Variants in LMO4 observed in about 807,000 individuals in gnomAD.
LMO4 encodes the protein LIM domain transcription factor LMO4.
In LMO4, 3 loss-of-function variants were observed where a neutral mutation model predicts 18.5. That is an observed-to-expected ratio of 0.16 (90% CI 0.07 to 0.42). The LOEUF is 0.42. Among genes scored for constraint, LMO4 ranks in the 10% least tolerant of loss-of-function variants. The probability of loss-of-function intolerance (pLI) is 0.99; values close to 1 mark genes in which losing one functional copy is unlikely to be tolerated. For missense variants in LMO4, 121 were observed against 219.9 expected (o/e 0.55, Z 2.84); for synonymous variants, 100 against 88.1 (o/e 1.14, Z -0.76).
chr1:87,330,589 T>C (rs1650109342), intron 1 of LMO4, among the ~76,000 whole-genome samples: 1 of 152,192 alleles, frequency 6.6e-6, no homozygotes, highest in South Asian at 2.1e-4. Context: ...GGAAATGTGT[T>C]TAAAATCGGC....
intron 4 of LMO4, 123 bp downstream of exon 4, chr1:87,340,325 AT>A: frequency 1.2e-6 from 1 of 831,386 alleles, no homozygotes; most frequent in African/African-American, 1.7e-5. Flanking sequence ...AGAAATGTAG[AT>A]TACTAGTTGT....
chr1:87,342,135 C>T (rs959938237), intron 4 of LMO4, among the ~76,000 whole-genome samples: 2 of 151,998 alleles, frequency 1.3e-5, no homozygotes, highest in Non-Finnish European at 2.9e-5. Flanking sequence ...AAGTACTATA[C>T]AAAAAAATGA....
chr1:87,345,346 TGTAA>T lies in LMO4; in HGVS notation c.*553_*556del, dbSNP rs1650596857. 1 of 151,744 alleles carries T rather than the reference TGTAA, an allele frequency of 6.6e-6. No individual in the cohort carries two copies. The highest frequency in any genetic ancestry group is 2.4e-5 in the African/African-American group (1 of 41,128). 9.4% of individuals were successfully genotyped at this position (151,744 alleles called of 1,614,324 possible). A position where few individuals can be genotyped will look rare whatever the true frequency, so the allele number is the denominator to read the frequency against. On this transcript the variant is annotated 3_prime_UTR_variant, in exon 5 of 5. Coordinates refer to ENST00000370544, the MANE Select transcript of LMO4 (RefSeq NM_006769.4). ...CTGTAAAATACAATGTATGTATGCA[TGTAA>T]GTGTTTTTGTCCTAATGTTGCTACT... is the stretch of plus-strand genomic sequence containing the variant.
intron 2 of LMO4, among the ~76,000 whole-genome samples, chr1:87,338,376 T>A (rs1205307859): frequency 6.6e-6 from 1 of 152,268 alleles, no homozygotes; most frequent in Non-Finnish European, 1.5e-5. Context: ...TATGTTAATT[T>A]GTAAGTCCTC....
intron 3 of LMO4, among the ~76,000 whole-genome samples, 182 bp downstream of exon 3, chr1:87,339,814 CT>C (rs1650421738): frequency 2.0e-5 from 3 of 152,172 alleles, no homozygotes; most frequent in Non-Finnish European, 4.4e-5. Context: ...CACGCTTCCC[CT>C]ATGCCACAGA....
chr1:87,336,888 A>G (rs1165219473), intron 2 of LMO4, among the ~76,000 whole-genome samples: 2 of 152,168 alleles, frequency 1.3e-5, no homozygotes, highest in Non-Finnish European at 2.9e-5. Context: ...TTGAGCACCT[A>G]AAGCCTCGAG....
chr1:87,344,056 C>G (rs539005284), intron 4 of LMO4, among the ~76,000 whole-genome samples: 9 of 152,164 alleles, frequency 5.9e-5, no homozygotes, highest in African/African-American at 2.2e-4. Flanking sequence ...TAACACATTG[C>G]ATGTATTGAA....
At chr1:87,331,985 C>T (rs1375373787) in intron 1 of LMO4, 28 bp from the exon 2 acceptor site, 11 of 1,580,532 alleles carry the variant, frequency 7.0e-6, no homozygotes, top group Admixed American at 1.7e-5. Flanking sequence ...TTGTCTTTCT[C>T]TCCCTGTCCC....
At chr1:87,330,038 A>T (rs1650090924) in intron 1 of LMO4, among the ~76,000 whole-genome samples, 1 of 149,402 alleles carries the variant, frequency 6.7e-6, no homozygotes, top group Non-Finnish European at 1.5e-5. Flanking sequence ...TCTAAATGAA[A>T]CTTGATGAGG....
intron 2 of LMO4, among the ~76,000 whole-genome samples, chr1:87,337,485 A>G (rs367685590): frequency 2.6e-5 from 4 of 152,350 alleles, no homozygotes; most frequent in East Asian, 1.9e-4. Flanking sequence ...AGTGGCAACC[A>G]TAATTATAGA....
At position 87,346,076 on chromosome 1, in the gene LMO4, CTTTT is replaced by C. The variant is rs1244378876; in HGVS notation, c.*1284_*1287del. The C allele has an allele frequency of 6.6e-6, 1 of 152,122 alleles. No homozygotes were observed. Among genetic ancestry groups the C allele is most frequent in the African/African-American group, 2.4e-5 (1 of 41,422 alleles). 9.4% of individuals were successfully genotyped at this position (152,122 alleles called of 1,614,324 possible). On this transcript the variant is annotated 3_prime_UTR_variant, in exon 5 of 5. Transcript: ENST00000370544. ...CACTTAGTTGTAGGGACCCAGAGCT[CTTTT>C]TTTATGGTGATCTTTGATTGGTGAA...
Position 87,347,129 on chromosome 1 carries a change from A to G in LMO4, c.*2333A>G, listed in dbSNP as rs961254954. 6.6e-6 allele frequency: 1 copy of G among 152,222 alleles called. No homozygotes were observed. Among genetic ancestry groups the G allele is most frequent in the African/African-American group, 2.4e-5 (1 of 41,454 alleles). The allele number at this position is 152,222 out of a possible 1,614,324, so 9.4% of individuals were successfully genotyped here. A position where few individuals can be genotyped will look rare whatever the true frequency, so the allele number is the denominator to read the frequency against. ...AAGCACTGCTGCGTATTTAATAATGAGCTTCTAAAAGCATTTCTTAAGTTG... is the reference window on the plus strand; with the variant it reads ...AAGCACTGCTGCGTATTTAATAATGGGCTTCTAAAAGCATTTCTTAAGTTG... On this transcript the variant is annotated 3_prime_UTR_variant, in exon 5 of 5. Transcript: ENST00000370544.
intron 4 of LMO4, among the ~76,000 whole-genome samples, chr1:87,340,713 C>G (rs1332980772): frequency 1.3e-5 from 2 of 152,180 alleles, no homozygotes; most frequent in Non-Finnish European, 2.9e-5. Flanking sequence ...CATTCTGTAA[C>G]TTCATAAGAG....
chr1:87,338,795 C>G (rs1271935172), intron 2 of LMO4, among the ~76,000 whole-genome samples: 2 of 152,080 alleles, frequency 1.3e-5, no homozygotes, highest in African/African-American at 4.8e-5. Context: ...GGTCCAGATC[C>G]CGGTAAATTA....
intron 4 of LMO4, among the ~76,000 whole-genome samples, chr1:87,343,360 T>G (rs889031352): frequency 5.3e-5 from 8 of 152,218 alleles, no homozygotes; most frequent in African/African-American, 9.6e-5. Flanking sequence ...ATCTACAACA[T>G]TTTATAACCT....
In LMO4 at chr1:87,346,954, C is replaced by A. The variant is rs1015462444; in HGVS notation, c.*2158C>A. The A allele has an allele frequency of 6.6e-6, 1 of 152,026 alleles. No homozygotes were observed. The highest frequency in any genetic ancestry group is 2.4e-5 in the African/African-American group (1 of 41,388). The allele number at this position is 152,026 out of a possible 1,614,324, so 9.4% of individuals were successfully genotyped here. On this transcript the variant is annotated 3_prime_UTR_variant, in exon 5 of 5. Coordinates refer to ENST00000370544, the MANE Select transcript of LMO4 (RefSeq NM_006769.4). ...TGAGATTGCAGGCATTTTCTATATT[C>A]TTTTTGGCATAAGCACTTATGTCCC...
intron 1 of LMO4, among the ~76,000 whole-genome samples, chr1:87,330,571 C>T (rs1252790840): frequency 1.3e-5 from 2 of 152,186 alleles, no homozygotes; most frequent in Admixed American, 6.5e-5. Flanking sequence ...TTCCGGGACT[C>T]TTTCGGAGGA....
chr1:87,337,811 A>G (rs1024878116), intron 2 of LMO4, among the ~76,000 whole-genome samples: 15 of 152,182 alleles, frequency 9.9e-5, no homozygotes, highest in African/African-American at 3.6e-4. Flanking sequence ...GGAGGTCCTC[A>G]TCAGTGTTCC....
At chr1:87,336,122 T>G (rs1374200826) in intron 2 of LMO4, among the ~76,000 whole-genome samples, 4 of 152,114 alleles carry the variant, frequency 2.6e-5, no homozygotes, top group Non-Finnish European at 5.9e-5. Flanking sequence ...CGAAGTACCT[T>G]TAATGGACTT....
Sources: allele counts gnomAD v4.1 joint callset (sites outside exome capture counted in the v4.1 genomes callset), GRCh38; gene constraint gnomAD v4.1.1; transcripts MANE v1.5; gene names NCBI Gene and HGNC (gene_info 2026-07-23, HGNC 2026-07-21).